The following DLGAP2 variants were observed in gnomAD, a reference collection of about 807,000 sequenced individuals.
DLGAP2 encodes the protein disks large-associated protein 2.
In DLGAP2, 26 loss-of-function variants were observed where a neutral mutation model predicts 100.3. The ratio of observed to expected loss-of-function variants is 0.26; its 90% CI spans 0.19 to 0.36. The LOEUF is 0.36. DLGAP2 is among the 10% of genes least tolerant of loss of function. The pLI is 1.00. For synonymous variants in DLGAP2, 886 were observed against 630.1 expected (o/e 1.41, Z -6.08); for missense variants, 1,858 against 1,453.2 (o/e 1.28, Z -4.53).
chr8:1,420,669 T>C (rs1382560564), intron 3 of DLGAP2, among the ~76,000 whole-genome samples: 1 of 152,108 alleles, frequency 6.6e-6, no homozygotes, highest in Non-Finnish European at 1.5e-5. Context: ...CTGCATTCCC[T>C]CTCGCCAAAA....
intron 1 of DLGAP2, among the ~76,000 whole-genome samples, chr8:799,658 G>A (rs762231894): frequency 3.3e-5 from 5 of 152,298 alleles, no homozygotes; most frequent in Non-Finnish European, 5.9e-5. Flanking sequence ...GTGCAGTGGT[G>A]CAAACACAGC....
intron 8 of DLGAP2, among the ~76,000 whole-genome samples, chr8:1,666,180 G>C (rs992707861): frequency 2.0e-5 from 3 of 152,186 alleles, no homozygotes; most frequent in Non-Finnish European, 2.9e-5. Context: ...CTTGAATCTT[G>C]TCAGTTTTCA....
intron 3 of DLGAP2, among the ~76,000 whole-genome samples, chr8:1,386,086 A>C (rs1243699139): frequency 6.6e-6 from 1 of 152,252 alleles, no homozygotes; most frequent in Non-Finnish European, 1.5e-5. Flanking sequence ...TGAAAACAAC[A>C]ATCTCCCAGA....
intron 3 of DLGAP2, among the ~76,000 whole-genome samples, chr8:1,386,555 T>G (rs1441865522): frequency 6.6e-6 from 1 of 152,058 alleles, no homozygotes; most frequent in African/African-American, 2.4e-5. Flanking sequence ...CGGCCAGATG[T>G]GAGAGTGGAG....
intron 6 of DLGAP2, among the ~76,000 whole-genome samples, chr8:1,578,754 G>A (rs907571970): frequency 7.9e-5 from 12 of 152,074 alleles, no homozygotes; most frequent in African/African-American, 2.9e-4. Context: ...CAAGATAATA[G>A]AAGGCCTTTT....
intron 3 of DLGAP2, among the ~76,000 whole-genome samples, chr8:1,336,223 T>C (rs1452781193): frequency 6.6e-6 from 1 of 152,238 alleles, no homozygotes; most frequent in Non-Finnish European, 1.5e-5. Flanking sequence ...CTATTTTTGT[T>C]AACTGGATTT....
At chr8:1,643,465 G>A (rs1399194414) in intron 8 of DLGAP2, among the ~76,000 whole-genome samples, 1 of 29,802 alleles carries the variant, frequency 3.4e-5, no homozygotes, top group Non-Finnish European at 5.4e-5. Context: ...GGAACCCGCC[G>A]GTCCTCACCT....
At chr8:1,176,578 A>G (rs1797262599) in intron 2 of DLGAP2, among the ~76,000 whole-genome samples, 1 of 126,524 alleles carries the variant, frequency 7.9e-6, no homozygotes, top group Non-Finnish European at 1.7e-5. Flanking sequence ...CTCAGGTCCC[A>G]CCCATCTCAA....
At chr8:894,961 T>C (rs990284402) in intron 1 of DLGAP2, among the ~76,000 whole-genome samples, 21 of 65,880 alleles carry the variant, frequency 3.2e-4, no homozygotes, top group Non-Finnish European at 4.3e-4. Flanking sequence ...GAAAGTGGGG[T>C]GGCGGATGGC....
intron 2 of DLGAP2, among the ~76,000 whole-genome samples, chr8:1,118,293 C>G (rs1051102709): frequency 1.3e-5 from 2 of 152,228 alleles, no homozygotes; most frequent in Non-Finnish European, 2.9e-5. Context: ...ATTCCAGCAT[C>G]TGCAGCTCTT....
chr8:1,124,583 T>A (rs1240958406), intron 2 of DLGAP2, among the ~76,000 whole-genome samples: 3 of 152,254 alleles, frequency 2.0e-5, no homozygotes, highest in African/African-American at 7.2e-5. Flanking sequence ...TCTCACCATT[T>A]TATAATCTAG....
At chr8:915,300 C>G (rs533017228) in intron 2 of DLGAP2, among the ~76,000 whole-genome samples, 1 of 152,208 alleles carries the variant, frequency 6.6e-6, no homozygotes, top group South Asian at 2.1e-4. Context: ...GTAATCCCAG[C>G]GCTTTGGGAG....
chr8:1,408,054 G>C (rs568576339), intron 3 of DLGAP2, among the ~76,000 whole-genome samples: 1 of 152,234 alleles, frequency 6.6e-6, no homozygotes, highest in African/African-American at 2.4e-5. Flanking sequence ...AATGCCTCCA[G>C]ATAGTGCCAA....
chr8:1,584,544 G>T (rs1796054605), intron 6 of DLGAP2, among the ~76,000 whole-genome samples: 2 of 152,134 alleles, frequency 1.3e-5, no homozygotes, highest in African/African-American at 4.8e-5. Flanking sequence ...GGAGATTCTG[G>T]TCCAGCCTGT....
intron 2 of DLGAP2, among the ~76,000 whole-genome samples, chr8:1,078,480 A>G (rs1040987180): frequency 2.0e-5 from 3 of 152,178 alleles, no homozygotes; most frequent in African/African-American, 4.8e-5. Context: ...TTTTTGGCAC[A>G]TGTGGAATGG....
chr8:804,931 AT>A lies in DLGAP2; in HGVS notation c.18+67114del, dbSNP rs536622956. 8.1e-3 allele frequency among the ~76,000 whole-genome samples: 1,230 copies of A among 151,832 alleles called. 3 individuals carry two copies. Among genetic ancestry groups the A allele is most frequent in the African/African-American group, 0.014 (565 of 41,404 alleles). On this transcript the variant is annotated intron_variant, in intron 1 of 14. Transcript: ENST00000637795. The stretch of plus-strand genomic sequence containing the variant: ...AGGTGTGCACCACCACACCTGGCTA[AT>A]TTTTTTTGTTTGTTTTTTTGTAGAG...
intron 6 of DLGAP2, among the ~76,000 whole-genome samples, chr8:1,568,334 AT>A (rs1802495793): frequency 1.9e-5 from 1 of 52,628 alleles, no homozygotes; most frequent in Non-Finnish European, 3.5e-5. Context: ...GCAGACACAA[AT>A]CCACTCTGCC....
At chr8:1,481,717 A>G (rs558266569) in intron 3 of DLGAP2, among the ~76,000 whole-genome samples, 42 of 151,974 alleles carry the variant, frequency 2.8e-4, no homozygotes, top group Non-Finnish European at 4.3e-4. Flanking sequence ...ACATCAGGTG[A>G]TCCACCCGCC....
intron 2 of DLGAP2, among the ~76,000 whole-genome samples, chr8:1,237,722 G>GTT (rs2116850540): frequency 1.2e-5 from 1 of 81,010 alleles, no homozygotes; most frequent in African/African-American, 5.7e-5. Flanking sequence ...GCCATGTCTA[G>GTT]TTCTCTCACA....
Sources: allele counts gnomAD v4.1 joint callset (sites outside exome capture counted in the v4.1 genomes callset), GRCh38; gene constraint gnomAD v4.1.1; transcripts MANE v1.5; gene names NCBI Gene and HGNC (gene_info 2026-07-23, HGNC 2026-07-21).